SLC8A3: variants seen among roughly 807,000 people sequenced by gnomAD.
The protein encoded by SLC8A3 is sodium/calcium exchanger 3.
SLC8A3 carries 37 observed loss-of-function variants against 65.4 expected under a neutral mutation model. That is an observed-to-expected ratio of 0.57 (90% CI 0.44 to 0.74). The LOEUF (loss-of-function observed/expected upper bound fraction) is 0.74, where lower values mean the gene tolerates loss of function less well. SLC8A3 is among the 30% of genes least tolerant of loss of function. The probability of loss-of-function intolerance (pLI) is 0.00; values close to 1 mark genes in which losing one functional copy is unlikely to be tolerated. For missense variants in SLC8A3, 1,112 were observed against 1,172.1 expected, an observed-to-expected ratio of 0.95 and a Z score of 0.75; for synonymous variants, 461 against 444.5, an observed-to-expected ratio of 1.04 and a Z score of -0.47.
At chr14:70,140,869 T>A (rs1200863977) in intron 2 of SLC8A3, among the ~76,000 whole-genome samples, 1 of 152,214 alleles carries the variant, frequency 6.6e-6, no homozygotes, top group African/African-American at 2.4e-5. Flanking sequence ...GTTTCCTTTC[T>A]ATCTGATTAC....
chr14:70,143,585 A>T (rs577719294), intron 2 of SLC8A3, among the ~76,000 whole-genome samples: 3 of 151,714 alleles, frequency 2.0e-5, no homozygotes, highest in South Asian at 4.2e-4. Flanking sequence ...ATGAAATCCA[A>T]CTCTCTGGAG....
At chr14:70,183,073 G>A (rs936761946) in intron 1 of SLC8A3, among the ~76,000 whole-genome samples, 4 of 152,190 alleles carry the variant, frequency 2.6e-5, no homozygotes, top group African/African-American at 9.7e-5. Context: ...CTCCTGTCTA[G>A]TTATTTGGAA....
chr14:70,122,157 C>G (rs1054451451), intron 2 of SLC8A3, among the ~76,000 whole-genome samples: 1 of 152,164 alleles, frequency 6.6e-6, no homozygotes. Flanking sequence ...AACTGGGGGA[C>G]GAGGGGCGGT....
Position 70,096,970 on chromosome 14 carries a change from G to A in SLC8A3, c.1785-36031C>T, listed in dbSNP as rs1892221842. On this transcript the variant is annotated intron_variant, in intron 2 of 6. Coordinates refer to ENST00000356921, the MANE Select transcript of SLC8A3 (RefSeq NM_182932.3). ...AGGGGACCAACTTGCCAAGCCAAGT[G>A]AGGCCCTCGTAGCCATCCTTCTGTG... 2.6e-5 allele frequency among the ~76,000 whole-genome samples: 4 copies of A among 152,210 alleles called. No individual in the cohort carries two copies. The South Asian group carries it at 8.3e-4, about 31-fold the overall frequency.
chr14:70,059,950 G>A (rs975111491), intron 3 of SLC8A3, among the ~76,000 whole-genome samples: 6 of 152,140 alleles, frequency 3.9e-5, no homozygotes, highest in Non-Finnish European at 8.8e-5. Flanking sequence ...TTCTGCTTTA[G>A]AGGTTGCATT....
At chr14:70,148,684 G>T (rs1435897373) in intron 2 of SLC8A3, among the ~76,000 whole-genome samples, 1 of 152,116 alleles carries the variant, frequency 6.6e-6, no homozygotes, top group East Asian at 1.9e-4. Flanking sequence ...ACATAAAATT[G>T]CCGATATTAT....
chr14:70,075,864 T>A lies in SLC8A3; in HGVS notation c.1785-14925A>T, dbSNP rs572336182. On this transcript the variant is annotated intron_variant, in intron 2 of 6. Coordinates refer to ENST00000356921, the MANE Select transcript of SLC8A3 (RefSeq NM_182932.3). ...TGAAACTTTAGCATACTCGGAATCATCTGGAGGGCTCGATAAAACACAATG... is the reference window on the plus strand; with the variant it reads ...TGAAACTTTAGCATACTCGGAATCAACTGGAGGGCTCGATAAAACACAATG... Among the ~76,000 whole-genome samples the A allele has an allele frequency of 7.9e-5, 12 of 152,310 alleles. No individual in the cohort carries two copies. The East Asian group carries it at 2.3e-3, about 29-fold the overall frequency.
chr14:70,158,152 C>T (rs1896685195), intron 2 of SLC8A3, among the ~76,000 whole-genome samples: 1 of 152,134 alleles, frequency 6.6e-6, no homozygotes, highest in Non-Finnish European at 1.5e-5. Context: ...AAAGTGGATG[C>T]AGCAAAGAAT....
At chr14:70,176,484 T>C (rs751849763) in intron 1 of SLC8A3, among the ~76,000 whole-genome samples, 5 of 152,332 alleles carry the variant, frequency 3.3e-5, no homozygotes, top group African/African-American at 4.8e-5. Flanking sequence ...GATTTTAAGA[T>C]ACAGACAAGG....
At chr14:70,098,317 C>T (rs1892325761) in intron 2 of SLC8A3, among the ~76,000 whole-genome samples, 1 of 151,818 alleles carries the variant, frequency 6.6e-6, no homozygotes, top group Non-Finnish European at 1.5e-5. Flanking sequence ...TAAAAAAAAC[C>T]CTCTGCCTAT....
At chr14:70,160,975 T>C (rs1896848515) in intron 2 of SLC8A3, among the ~76,000 whole-genome samples, 2 of 151,004 alleles carry the variant, frequency 1.3e-5, no homozygotes, top group Non-Finnish European at 1.5e-5. Flanking sequence ...TCGGGCACGG[T>C]GGCTCACGCC....
In SLC8A3 at chr14:70,044,390, T is replaced by G. The variant is rs1886524371; in HGVS notation, c.*1557A>C. 8.2e-6 allele frequency: 1 copy of G among 122,498 alleles called. No homozygotes were observed. 7.6% of individuals were successfully genotyped at this position (122,498 alleles called of 1,614,324 possible). The stretch of plus-strand genomic sequence containing the variant: ...TTTTTAATTTCTTCCCCCCCCCCCT[T>G]AGAAAATGTATTTATGTCAATGCAG... On this transcript the variant is annotated 3_prime_UTR_variant, in exon 7 of 7. Transcript: ENST00000356921.
rs1394068364 is a variant in SLC8A3 at position 70,166,725 on chromosome 14, A to G, written c.1698T>C (p.Phe566=). The G allele has an allele frequency of 6.2e-7, 1 of 1,614,004 alleles. No homozygotes were observed. The highest frequency in any genetic ancestry group is 8.5e-7 in the Non-Finnish European group (1 of 1,179,860). ...CCTTGGCTGTCCCTTCTACTGTCCT[A>G]AAGGGGACGATGACTGTACCCCGGG... ...SGARGTVIVP[F]RTVEGTAKGG... Residue 566 remains phenylalanine (F), a synonymous_variant, in exon 2 of 7, where the codon TTT becomes TTC. Transcript: ENST00000356921.
intron 2 of SLC8A3, among the ~76,000 whole-genome samples, chr14:70,141,202 T>C (rs564628533): frequency 7.9e-4 from 120 of 152,364 alleles, no homozygotes; most frequent in African/African-American, 2.7e-3. Flanking sequence ...GGTGGGTTAG[T>C]TGGTTAGCTT....
intron 2 of SLC8A3, among the ~76,000 whole-genome samples, chr14:70,109,926 T>C (rs895489231): frequency 1.3e-5 from 2 of 152,234 alleles, no homozygotes; most frequent in African/African-American, 4.8e-5. Flanking sequence ...TATTATAAAG[T>C]TGTCTTTATA....
intron 2 of SLC8A3, among the ~76,000 whole-genome samples, chr14:70,105,882 A>G (rs1227664096): frequency 5.9e-5 from 9 of 152,200 alleles, no homozygotes; most frequent in Non-Finnish European, 1.0e-4. Context: ...CAAAAAGGAT[A>G]ACACATCGAT....
At position 70,167,272 on chromosome 14, in the gene SLC8A3, C is replaced by T. The variant is rs765831031; in HGVS notation, c.1151G>A (p.Ser384Asn). 20 of 1,614,086 alleles carry T rather than the reference C, an allele frequency of 1.2e-5. No homozygotes were observed. The Admixed American group carries it at 2.5e-4, about 20-fold the overall frequency. ...CTCAGGCTCATCGGTGTGCACCTCG[C>T]TCATGCTGGAGGCCTTCTTGGCTTG... ...AEQAKKASSMSEVHTDEPEDF... is the reference protein window; with the variant it reads ...AEQAKKASSMNEVHTDEPEDF... The change falls in exon 2 of 7, where the codon AGC (serine) becomes AAC (asparagine). Residue 384 changes from serine to asparagine, a missense_variant. Transcript: ENST00000356921.
chr14:70,082,284 T>TGG (rs139954415), intron 2 of SLC8A3, among the ~76,000 whole-genome samples: 2 of 152,088 alleles, frequency 1.3e-5, no homozygotes, highest in African/African-American at 2.4e-5. Context: ...AATAATTTCT[T>TGG]GGGGGGGTGA....
intron 2 of SLC8A3, among the ~76,000 whole-genome samples, chr14:70,105,278 G>A (rs892958898): frequency 6.6e-6 from 1 of 152,106 alleles, no homozygotes; most frequent in Non-Finnish European, 1.5e-5. Flanking sequence ...GCAGTGAGCC[G>A]AGATCGAGCC....
Sources: gnomAD v4.1 joint callset for allele counts (sites outside exome capture counted in the v4.1 genomes callset) on GRCh38, gnomAD v4.1.1 for gene constraint, MANE v1.5 for transcripts, NCBI Gene and HGNC (gene_info 2026-07-23, HGNC 2026-07-21) for gene names.